DPYD: variants seen among roughly 807,000 people sequenced by gnomAD.
DPYD encodes the protein dihydropyrimidine dehydrogenase [NADP(+)].
Under a neutral mutation model 116.2 loss-of-function variants are expected in DPYD, and 109 were observed. That is an observed-to-expected ratio of 0.94 (90% CI 0.80 to 1.10). DPYD has a LOEUF of 1.10. Ranked by LOEUF, DPYD falls within the 50% of genes least tolerant of loss-of-function variation. DPYD has a pLI of 0.00. For missense variants in DPYD, 1,302 were observed against 1,254.5 expected (o/e 1.04, Z -0.57); for synonymous variants, 440 against 432.0 (o/e 1.02, Z -0.23).
chr1:97,622,059 C>A (rs1656661520), intron 8 of DPYD, among the ~76,000 whole-genome samples: 1 of 152,000 alleles, frequency 6.6e-6, no homozygotes, highest in South Asian at 2.1e-4. Context: ...GCAGATGAAT[C>A]CCAAATGATT....
At chr1:97,111,472 C>G (rs184363450) in intron 20 of DPYD, among the ~76,000 whole-genome samples, 10 of 151,904 alleles carry the variant, frequency 6.6e-5, no homozygotes, top group African/African-American at 2.4e-4. Context: ...GACCTTAGGG[C>G]CTTTACATTT....
At chr1:97,710,536 A>G (rs990926639) in intron 5 of DPYD, among the ~76,000 whole-genome samples, 1 of 151,852 alleles carries the variant, frequency 6.6e-6, no homozygotes, top group Non-Finnish European at 1.5e-5. Context: ...CAAAATTATT[A>G]CTGTATTAGT....
chr1:97,223,446 A>G (rs935298144), intron 19 of DPYD, among the ~76,000 whole-genome samples: 4 of 151,710 alleles, frequency 2.6e-5, no homozygotes, highest in Non-Finnish European at 5.9e-5. Context: ...TACAATCTCA[A>G]TGAAGGCACA....
chr1:97,632,590 T>A (rs1381391393), intron 8 of DPYD, among the ~76,000 whole-genome samples: 1 of 152,136 alleles, frequency 6.6e-6, no homozygotes, highest in Non-Finnish European at 1.5e-5. Context: ...TTGCTATTCA[T>A]CAATGATATT....
intron 8 of DPYD, among the ~76,000 whole-genome samples, chr1:97,608,937 T>C (rs1655768648): frequency 6.6e-6 from 1 of 151,850 alleles, no homozygotes; most frequent in African/African-American, 2.4e-5. Context: ...GTAAACTATA[T>C]AATACATACC....
At chr1:97,595,840 T>G (rs1654841544) in intron 8 of DPYD, among the ~76,000 whole-genome samples, 1 of 151,842 alleles carries the variant, frequency 6.6e-6, no homozygotes, top group Admixed American at 6.6e-5. Context: ...ACTAAAAATA[T>G]TAACTCCATT....
chr1:97,901,869 C>T (rs1484496130), intron 1 of DPYD, among the ~76,000 whole-genome samples: 4 of 151,786 alleles, frequency 2.6e-5, no homozygotes, highest in East Asian at 1.9e-4. Context: ...ATCAAAAATA[C>T]ATTTACCATT....
intron 8 of DPYD, among the ~76,000 whole-genome samples, chr1:97,619,659 T>C (rs1656512462): frequency 6.6e-6 from 1 of 152,196 alleles, no homozygotes. Flanking sequence ...CAAGTAATCA[T>C]GCTTCTTATA....
At chr1:97,705,548 G>C (rs557606771) in intron 5 of DPYD, among the ~76,000 whole-genome samples, 1,842 of 151,754 alleles carry the variant, frequency 0.012, 32 homozygotes, top group African/African-American at 0.042. Context: ...GGACATTTGG[G>C]TTGGTTCCAA....
chr1:97,398,659 C>A (rs1336202114), intron 14 of DPYD, among the ~76,000 whole-genome samples: 1 of 152,122 alleles, frequency 6.6e-6, no homozygotes, highest in African/African-American at 2.4e-5. Flanking sequence ...GAGATGGTAT[C>A]TCATTGTGGT....
intron 4 of DPYD, among the ~76,000 whole-genome samples, chr1:97,724,297 GGGGGGGGGGGGTGTGTGTGTGTGT>G (rs1663090913): frequency 1.3e-4 from 2 of 14,934 alleles, no homozygotes; most frequent in African/African-American, 5.3e-4. Context: ...TGTATGTGGG[GGGGGGGGGGGGTGTGTGTGTGTGT>G]GTGTGTGTGT....
chr1:97,280,713 G>C (rs1048354114), intron 18 of DPYD, among the ~76,000 whole-genome samples: 2 of 151,946 alleles, frequency 1.3e-5, no homozygotes, highest in Non-Finnish European at 2.9e-5. Flanking sequence ...GTAGAGAGTA[G>C]AAAAGTGGTA....
intron 11 of DPYD, among the ~76,000 whole-genome samples, chr1:97,551,382 G>C (rs567117900): frequency 6.6e-6 from 1 of 152,028 alleles, no homozygotes; most frequent in African/African-American, 2.4e-5. Flanking sequence ...TAGTGAGTAT[G>C]GCTCATCAAT....
intron 8 of DPYD, among the ~76,000 whole-genome samples, chr1:97,639,122 T>G (rs1272123839): frequency 2.0e-5 from 3 of 152,138 alleles, no homozygotes; most frequent in Admixed American, 6.6e-5. Context: ...AGACACTGGG[T>G]TGCATTCAAC....
chr1:97,240,829 G>T (rs1276540174), intron 18 of DPYD, among the ~76,000 whole-genome samples: 1 of 151,784 alleles, frequency 6.6e-6, no homozygotes, highest in Non-Finnish European at 1.5e-5. Flanking sequence ...AAAATTAAGT[G>T]TACAATGTTA....
rs2101036312 is a variant in DPYD at position 97,305,331 on chromosome 1, C to T, written c.2227G>A (p.Gly743Arg). Residue 743 changes from glycine to arginine, a missense_variant, in exon 18 of 23, where the codon GGA becomes AGA. Gly to Arg is a moderately radical substitution (Grantham distance 125, BLOSUM62 -2). Transcript: ENST00000370192. Reference sequence around the variant, plus strand: ...CAAGGTGTGCCATCAGATTTTAATCCCATCAGACCTGAGACAGTGTTGGTG... The same window carrying T: ...CAAGGTGTGCCATCAGATTTTAATCTCATCAGACCTGAGACAGTGTTGGTG... ...TATNTVSGLM[G>R]LKSDGTPWPA... 6.2e-7 allele frequency: 1 copy of T among 1,612,448 alleles called. No individual in the cohort carries two copies. Among genetic ancestry groups the T allele is most frequent in the Non-Finnish European group, 8.5e-7 (1 of 1,178,952 alleles).
chr1:97,595,238 A>G, intron 8 of DPYD, 72 bp from the exon 9 acceptor site: 1 of 1,207,932 alleles, frequency 8.3e-7, no homozygotes, highest in Non-Finnish European at 1.2e-6. Context: ...AAAACAAAAA[A>G]GAAAACTTTA....
In DPYD at chr1:97,193,081, T is replaced by A. The variant is rs749586100; in HGVS notation, c.2610A>T (p.Glu870Asp). The change falls in exon 20 of 23, where the codon GAA (glutamate) becomes GAT (aspartate). Residue 870 changes from glutamate (E) to aspartate (D), a missense_variant. Glu to Asp is a conservative substitution (Grantham distance 45). Coordinates refer to ENST00000370192, the MANE Select transcript of DPYD (RefSeq NM_000110.4). ...QKGKPVPRIA[E>D]LMDKKLPSFG... is the part of the protein sequence containing the mutation. Reference sequence around the variant, plus strand: ...TTTAAGCACATACCTTGTCCATGAGTTCAGCTATACGTGGAACTGGTTTCC... The same window carrying A: ...TTTAAGCACATACCTTGTCCATGAGATCAGCTATACGTGGAACTGGTTTCC... 6 of 1,613,792 alleles carry A rather than the reference T, an allele frequency of 3.7e-6. No individual in the cohort carries two copies. In the East Asian group the frequency reaches 1.3e-4, roughly 36 times the overall value.
chr1:97,184,540 G>A (rs1236028692), intron 20 of DPYD, among the ~76,000 whole-genome samples: 1 of 151,798 alleles, frequency 6.6e-6, no homozygotes, highest in African/African-American at 2.4e-5. Context: ...TTTTTCATAC[G>A]CTTGTTGGCT....
Sources: allele counts gnomAD v4.1 joint callset (sites outside exome capture counted in the v4.1 genomes callset), GRCh38; gene constraint gnomAD v4.1.1; transcripts MANE v1.5; gene names NCBI Gene and HGNC (gene_info 2026-07-23, HGNC 2026-07-21).